ASMTL: variants seen among roughly 807,000 people sequenced by gnomAD.
ASMTL encodes the protein acetylserotonin O-methyltransferase like.
Under a neutral mutation model 60.3 loss-of-function variants are expected in ASMTL, and 57 were observed. That is an observed-to-expected ratio of 0.95 (90% CI 0.76 to 1.18). The LOEUF is 1.18. ASMTL is among the 50% of genes most tolerant of loss of function. ASMTL has a pLI of 0.00. For synonymous variants in ASMTL, 419 were observed against 373.0 expected (o/e 1.12, Z -1.42); for missense variants, 981 against 852.6 (o/e 1.15, Z -1.88).
At chrX:1,421,951 A>G in intron 8 of ASMTL, 109 bp from the exon 9 acceptor site, 2 of 1,054,222 alleles carry the variant, frequency 1.9e-6, no homozygotes, top group Non-Finnish European at 2.9e-6. Context: ...CCATCTGACT[A>G]TAGCAAACCG....
chrX:1,412,575 C>G, intron 12 of ASMTL, 157 bp downstream of exon 12: 2 of 394,014 alleles, frequency 5.1e-6, no homozygotes, highest in Non-Finnish European at 6.9e-6. Context: ...GTTGGCCAGG[C>G]TGGTCTGAAA....
rs370426960 is a variant in ASMTL, at chrX:1,412,882, C to A, written c.1523-28G>T. ...GGTTTAAAGACAAAACGAGATACGT[C>A]CGTCAGGTATGGAAGAAGCAGTCCT... On this transcript the variant is annotated intron_variant, in intron 11 of 12. Transcript: ENST00000381317. 7.4e-6 allele frequency: 12 copies of A among 1,613,432 alleles called. 1 individual carries two copies. In the South Asian group the frequency reaches 1.3e-4, roughly 18 times the overall value.
chrX:1,442,582 A>G (rs2091132653), intron 1 of ASMTL, among the ~76,000 whole-genome samples: 1 of 152,048 alleles, frequency 6.6e-6, no homozygotes, highest in Non-Finnish European at 1.5e-5. Flanking sequence ...TCTCGAGGGA[A>G]GAGATTGGCA....
In ASMTL at chrX:1,418,068, A is replaced by C; in HGVS notation, c.1427T>G (p.Met476Arg). The C allele has an allele frequency of 6.2e-7, 1 of 1,613,358 alleles. No homozygotes were observed. The highest frequency in any genetic ancestry group is 8.5e-7 in the Non-Finnish European group (1 of 1,179,486). ...TGGGAGGTCAAACACAGTCACCTGC[A>C]TACGAGGGTACTCACGGGCCAGCTC... ...ARELAREYPR[M>R]QVTVFDLPDI... is the part of the protein sequence containing the mutation. Residue 476 changes from methionine (M) to arginine (R), a missense_variant, in exon 11 of 13, where the codon ATG becomes AGG. Physicochemically the swap from Met to Arg is moderately conservative, Grantham distance 91. Coordinates refer to ENST00000381317, the MANE Select transcript of ASMTL (RefSeq NM_004192.4).
intron 12 of ASMTL, among the ~76,000 whole-genome samples, chrX:1,404,572 G>A (rs1484801991): frequency 1.3e-5 from 2 of 151,218 alleles, no homozygotes; most frequent in South Asian, 2.1e-4. Context: ...GCATGCATGA[G>A]ATGGATGGAT....
chrX:1,443,790 AC>A (rs1246370250), intron 1 of ASMTL, among the ~76,000 whole-genome samples: 5 of 148,566 alleles, frequency 3.4e-5, no homozygotes, highest in Admixed American at 2.0e-4. Flanking sequence ...GTGGACACAC[AC>A]CCCCATCGTG....
At chrX:1,441,570 A>AC (rs2091108975) in intron 2 of ASMTL, 1 of 152,210 alleles carries the variant, frequency 6.6e-6, no homozygotes, top group South Asian at 2.1e-4. Flanking sequence ...AGCCACCGCG[A>AC]CCGGCCACAA....
chrX:1,432,718 A>C (rs1213483305), intron 5 of ASMTL, among the ~76,000 whole-genome samples: 24 of 152,170 alleles, frequency 1.6e-4, no homozygotes, highest in East Asian at 1.2e-3. Context: ...AGTCCCAGCT[A>C]CTCGGGAGGC....
chrX:1,445,891 T>C (rs1261910923), intron 1 of ASMTL, among the ~76,000 whole-genome samples: 1 of 152,090 alleles, frequency 6.6e-6, no homozygotes, highest in African/African-American at 2.4e-5. Flanking sequence ...CCTTCTGTTA[T>C]GCCCAGACGG....
At chrX:1,440,296 G>T (rs1433667449) in intron 2 of ASMTL, among the ~76,000 whole-genome samples, 10 of 151,858 alleles carry the variant, frequency 6.6e-5, no homozygotes, top group South Asian at 2.1e-4. Context: ...TTCACCGTGT[G>T]AGCCAGGATG....
intron 3 of ASMTL, among the ~76,000 whole-genome samples, chrX:1,436,045 C>T (rs1250723186): frequency 7.2e-5 from 11 of 152,160 alleles, no homozygotes; most frequent in South Asian, 2.1e-4. Context: ...TTTCTTTCAC[C>T]GTGCGTTTGC....
intron 8 of ASMTL, among the ~76,000 whole-genome samples, chrX:1,423,187 C>T (rs1370740684): frequency 1.3e-5 from 2 of 152,250 alleles, no homozygotes; most frequent in African/African-American, 4.8e-5. Context: ...CTCCTGAACT[C>T]GTGATCTGCC....
chrX:1,432,272 G>C lies in ASMTL; in HGVS notation c.506C>G (p.Pro169Arg). ...LLWEYVHSGEPMDKAGGYGIQ... is the reference protein window; with the variant it reads ...LLWEYVHSGERMDKAGGYGIQ... ...CCCCACCGCCCCCGAGACTCACATGGGCTCCCCGCTGTGGACGTATTCCCA... is the reference window on the plus strand; with the variant it reads ...CCCCACCGCCCCCGAGACTCACATGCGCTCCCCGCTGTGGACGTATTCCCA... The change falls in exon 6 of 13, where the codon CCC (proline) becomes CGC (arginine). Residue 169 changes from proline (P) to arginine (R), a missense_variant. By Grantham distance (103) the Pro-to-Arg change is moderately radical (BLOSUM62 -2). Coordinates refer to ENST00000381317, the MANE Select transcript of ASMTL (RefSeq NM_004192.4). 3.1e-6 allele frequency: 5 copies of C among 1,611,212 alleles called. No individual in the cohort carries two copies. The highest frequency in any genetic ancestry group is 4.2e-6 in the Non-Finnish European group (5 of 1,178,820).
chrX:1,440,843 T>C (rs1475477916), intron 2 of ASMTL, among the ~76,000 whole-genome samples: 2 of 152,200 alleles, frequency 1.3e-5, no homozygotes, highest in African/African-American at 2.4e-5. Context: ...GATACAATTA[T>C]ATTAATTGTC....
Position 1,425,585 on chromosome X carries a change from C to T in ASMTL, c.1000G>A (p.Gly334Arg), listed in dbSNP as rs1448248303. ...IASKVDASAC[G>R]MERLLDICAA... ...CAGATGTCCAGAAGCCTCTCCATTC[C>T]ACACGCAGAGGCGTCCACTTTGCTG... The change falls in exon 8 of 13, where the codon GGA (glycine) becomes AGA (arginine). Residue 334 changes from glycine (G) to arginine (R), a missense_variant. Coordinates refer to ENST00000381317, the MANE Select transcript of ASMTL (RefSeq NM_004192.4). The T allele has an allele frequency of 1.2e-6, 2 of 1,613,664 alleles. No individual in the cohort carries two copies. Among genetic ancestry groups the T allele is most frequent in the Admixed American group, 1.7e-5 (1 of 59,986 alleles).
chrX:1,443,140 C>CACCGCCATCGTGGACACAT (rs1373341125), intron 1 of ASMTL, among the ~76,000 whole-genome samples: 62 of 139,510 alleles, frequency 4.4e-4, no homozygotes, highest in Admixed American at 9.2e-4. Context: ...CGTGGACACA[C>CACCGCCATCGTGGACACAT]GCCGCCATCT....
chrX:1,433,473 G>C (rs1320983719), intron 5 of ASMTL, among the ~76,000 whole-genome samples: 1 of 144,892 alleles, frequency 6.9e-6, no homozygotes, highest in East Asian at 2.0e-4. Flanking sequence ...AGACCCTCCT[G>C]GCTACCACGG....
At chrX:1,412,319 C>T (rs1272425439) in intron 12 of ASMTL, among the ~76,000 whole-genome samples, 1 of 152,132 alleles carries the variant, frequency 6.6e-6, no homozygotes, top group East Asian at 1.9e-4. Flanking sequence ...TCTCCAGCTC[C>T]CGGGTTCAAG....
In ASMTL at chrX:1,412,867, C is replaced by T. The variant is rs1569531602; in HGVS notation, c.1523-13G>A. 6.2e-7 allele frequency: 1 copy of T among 1,613,766 alleles called. No homozygotes were observed. The highest frequency in any genetic ancestry group is 8.5e-7 in the Non-Finnish European group (1 of 1,179,778). ...CTGAAAAAGTCACCTGGTTTAAAGA[C>T]AAAACGAGATACGTCCGTCAGGTAT... On this transcript the variant is annotated splice_polypyrimidine_tract_variant and intron_variant, in intron 11 of 12. Transcript: ENST00000381317.
Sources: allele counts gnomAD v4.1 joint callset (sites outside exome capture counted in the v4.1 genomes callset), GRCh38; gene constraint gnomAD v4.1.1; transcripts MANE v1.5; gene names NCBI Gene and HGNC (gene_info 2026-07-23, HGNC 2026-07-21).